The following NRG3 variants were observed in gnomAD, a reference collection of about 807,000 sequenced individuals.
The protein encoded by NRG3 is pro-neuregulin-3, membrane-bound isoform.
NRG3 carries 31 observed loss-of-function variants against 66.9 expected under a neutral mutation model. The observed-to-expected ratio is 0.46, with a 90% CI of 0.35 to 0.63. The LOEUF is 0.63. Among genes scored for constraint, NRG3 ranks in the 20% least tolerant of loss-of-function variants. The pLI, the probability that NRG3 is intolerant of heterozygous loss-of-function variation, is 0.00. For synonymous variants in NRG3, 393 were observed against 359.4 expected (o/e 1.09, Z -1.06); for missense variants, 910 against 878.9 (o/e 1.04, Z -0.45).
intron 3 of NRG3, among the ~76,000 whole-genome samples, chr10:82,816,448 G>C (rs755093679): frequency 6.6e-6 from 1 of 152,104 alleles, no homozygotes; most frequent in African/African-American, 2.4e-5. Context: ...TCACAGACAG[G>C]TTGTCCTGAT....
chr10:82,485,211 C>A (rs925648689), intron 2 of NRG3, among the ~76,000 whole-genome samples: 2 of 152,014 alleles, frequency 1.3e-5, no homozygotes, highest in African/African-American at 2.4e-5. Context: ...TAACCCTGCT[C>A]TAACCAAATA....
intron 1 of NRG3, among the ~76,000 whole-genome samples, chr10:82,109,758 T>A (rs2067274770): frequency 6.6e-6 from 1 of 152,158 alleles, no homozygotes; most frequent in Non-Finnish European, 1.5e-5. Flanking sequence ...TGTAATTTCC[T>A]GAATCTTCGC....
intron 4 of NRG3, among the ~76,000 whole-genome samples, chr10:82,934,661 T>C (rs1043138134): frequency 2.8e-4 from 42 of 152,184 alleles, no homozygotes; most frequent in Non-Finnish European, 1.2e-4. Flanking sequence ...TGACAACTTG[T>C]TTCTCATCTA....
intron 2 of NRG3, among the ~76,000 whole-genome samples, chr10:82,404,916 G>A (rs902758653): frequency 4.6e-5 from 7 of 152,102 alleles, no homozygotes; most frequent in South Asian, 2.1e-4. Context: ...CTGGTAGAGC[G>A]AGAGTGCTTT....
chr10:82,505,669 G>A (rs1844600864), intron 2 of NRG3, among the ~76,000 whole-genome samples: 1 of 152,166 alleles, frequency 6.6e-6, no homozygotes, highest in African/African-American at 2.4e-5. Flanking sequence ...CATATGACTA[G>A]ATAATTGCAT....
At chr10:82,303,059 A>G (rs987993289) in intron 1 of NRG3, among the ~76,000 whole-genome samples, 3 of 152,120 alleles carry the variant, frequency 2.0e-5, no homozygotes, top group Non-Finnish European at 2.9e-5. Context: ...TTAATAATCA[A>G]ACACATATCT....
chr10:82,552,938 G>A (rs1322158270), intron 2 of NRG3, among the ~76,000 whole-genome samples: 1 of 151,992 alleles, frequency 6.6e-6, no homozygotes, highest in East Asian at 1.9e-4. Flanking sequence ...AGTGATTGGA[G>A]ATAGTTGACA....
At chr10:81,963,574 C>G (rs1203236052) in intron 1 of NRG3, among the ~76,000 whole-genome samples, 1 of 152,146 alleles carries the variant, frequency 6.6e-6, no homozygotes, top group African/African-American at 2.4e-5. Context: ...TAAGTTTTGC[C>G]TTTTAATCCT....
intron 1 of NRG3, among the ~76,000 whole-genome samples, chr10:82,201,872 A>T (rs1483228205): frequency 6.6e-6 from 1 of 152,166 alleles, no homozygotes; most frequent in South Asian, 2.1e-4. Flanking sequence ...TGTGTCTAGT[A>T]TGTAAGAAAT....
chr10:82,081,395 A>T (rs1312918480), intron 1 of NRG3, among the ~76,000 whole-genome samples: 2 of 152,004 alleles, frequency 1.3e-5, no homozygotes, highest in Non-Finnish European at 2.9e-5. Context: ...AGTTACAGGG[A>T]ATGTTTTCCA....
chr10:82,730,864 G>A (rs1378792426), intron 2 of NRG3, among the ~76,000 whole-genome samples: 1 of 152,144 alleles, frequency 6.6e-6, no homozygotes, highest in Admixed American at 6.5e-5. Flanking sequence ...ACTCTAGGCT[G>A]TAGATCCTTA....
chr10:82,498,190 CT>C (rs1329331675), intron 2 of NRG3, among the ~76,000 whole-genome samples: 6 of 151,050 alleles, frequency 4.0e-5, no homozygotes, highest in African/African-American at 1.5e-4. Context: ...TATTTTATAG[CT>C]TATCTTTTCA....
chr10:82,379,802 G>A (rs2085489679), intron 2 of NRG3, among the ~76,000 whole-genome samples: 1 of 150,578 alleles, frequency 6.6e-6, no homozygotes, highest in Non-Finnish European at 1.5e-5. Context: ...CTCTGACATT[G>A]TAGGAGAAAA....
intron 1 of NRG3, among the ~76,000 whole-genome samples, chr10:82,311,764 A>C (rs2081041786): frequency 6.6e-6 from 1 of 152,148 alleles, no homozygotes; most frequent in South Asian, 2.1e-4. Flanking sequence ...CCACTCCCCC[A>C]GTTTCTTATA....
chr10:82,168,690 T>C (rs531927746), intron 1 of NRG3, among the ~76,000 whole-genome samples: 2 of 152,244 alleles, frequency 1.3e-5, no homozygotes, highest in East Asian at 3.9e-4. Flanking sequence ...TGGTGCAAGG[T>C]AATTAACCCA....
intron 1 of NRG3, among the ~76,000 whole-genome samples, chr10:81,894,314 C>G (rs1460109121): frequency 9.9e-5 from 15 of 152,134 alleles, no homozygotes; most frequent in African/African-American, 2.4e-5. Flanking sequence ...GCACTCCAGC[C>G]TGGACTCTGT....
intron 1 of NRG3, among the ~76,000 whole-genome samples, chr10:82,354,404 T>G: frequency 6.6e-6 from 1 of 151,620 alleles, no homozygotes; most frequent in East Asian, 1.9e-4. Context: ...CCTTTTTTTT[T>G]TTTTTGACAG....
chr10:82,568,342 C>G (rs1016029420), intron 2 of NRG3, among the ~76,000 whole-genome samples: 1 of 151,904 alleles, frequency 6.6e-6, no homozygotes, highest in African/African-American at 2.4e-5. Context: ...GTTTAGTTAA[C>G]TCTGTGAAAA....
chr10:82,000,389 G>A (rs1417301534), intron 1 of NRG3, among the ~76,000 whole-genome samples: 1 of 151,716 alleles, frequency 6.6e-6, no homozygotes, highest in Non-Finnish European at 1.5e-5. Context: ...GCCACATAAT[G>A]TCATTTTGGA....
Sources: gnomAD v4.1 joint callset for allele counts (sites outside exome capture counted in the v4.1 genomes callset) on GRCh38, gnomAD v4.1.1 for gene constraint, MANE v1.5 for transcripts, NCBI Gene and HGNC (gene_info 2026-07-23, HGNC 2026-07-21) for gene names.